PLEKHA5: variants seen among roughly 807,000 people sequenced by gnomAD.
The protein encoded by PLEKHA5 is pleckstrin homology domain-containing family A member 5.
Under a neutral mutation model 181.9 loss-of-function variants are expected in PLEKHA5, and 55 were observed. That is an observed-to-expected ratio of 0.30 (90% CI 0.24 to 0.38). The LOEUF (loss-of-function observed/expected upper bound fraction) is 0.38, where lower values mean the gene tolerates loss of function less well. Among genes scored for constraint, PLEKHA5 ranks in the 10% least tolerant of loss-of-function variants. PLEKHA5 has a pLI of 1.00. For missense variants in PLEKHA5, 1,432 were observed against 1,549.5 expected (o/e 0.92, Z 1.27); for synonymous variants, 535 against 529.4 (o/e 1.01, Z -0.15).
chr12:19,343,325 G>A lies in PLEKHA5; in HGVS notation c.2553G>A (p.Thr851=), dbSNP rs1399521340. The change falls in exon 22 of 32, where the codon ACG becomes ACA. Residue 851 remains threonine, a splice_region_variant and synonymous_variant. Coordinates refer to ENST00000429027, the MANE Select transcript of PLEKHA5 (RefSeq NM_001256470.2). ...GGTCTATCCATTTTTACTGATAGACGGAATCAGCAGGAATTCAGCGTGCAC... is the reference window on the plus strand; with the variant it reads ...GGTCTATCCATTTTTACTGATAGACAGAATCAGCAGGAATTCAGCGTGCAC... ...EQLDHLGEVQ[T]ESAGIQRAQI... 16 of 1,603,788 alleles carry A rather than the reference G, an allele frequency of 1.0e-5. No individual in the cohort carries two copies. The highest frequency in any genetic ancestry group is 2.2e-5 in the East Asian group (1 of 44,814).
In PLEKHA5 at chr12:19,290,800, A is replaced by C. The variant is rs1197361304; in HGVS notation, c.1983+4A>C. Reference sequence around the variant, plus strand: ...GCTTGAGGCCCACAGCCCAAAGGTCAGCTATGGAGAGATTTGTCTGTGTCG... The same window carrying C: ...GCTTGAGGCCCACAGCCCAAAGGTCCGCTATGGAGAGATTTGTCTGTGTCG... On this transcript the variant is annotated splice_donor_region_variant and intron_variant, in intron 14 of 31. Transcript: ENST00000429027. 6.6e-7 allele frequency: 1 copy of C among 1,524,044 alleles called. No individual in the cohort carries two copies. Among genetic ancestry groups the C allele is most frequent in the East Asian group, 2.5e-5 (1 of 40,698 alleles). The allele number at this position is 1,524,044 out of a possible 1,614,324, so 94.4% of individuals were successfully genotyped here. A position where few individuals can be genotyped will look rare whatever the true frequency, so the allele number is the denominator to read the frequency against.
chr12:19,129,898 C>G lies in PLEKHA5; in HGVS notation c.89+10C>G, dbSNP rs759456293. The G allele has an allele frequency of 3.1e-6, 5 of 1,597,126 alleles. No homozygotes were observed. In the African/African-American group the frequency reaches 6.8e-5, roughly 22 times the overall value. On this transcript the variant is annotated intron_variant, in intron 1 of 31. Transcript: ENST00000429027. ...GAGTCTTCTTCATCAAGTAAAGAGC[C>G]GGGGACGGCACGGGGGCCCGCGGGG...
At chr12:19,284,396 T>A (rs953785744) in intron 12 of PLEKHA5, among the ~76,000 whole-genome samples, 2 of 152,226 alleles carry the variant, frequency 1.3e-5, no homozygotes, top group Non-Finnish European at 2.9e-5. Flanking sequence ...TATTGGCTTT[T>A]TACACACTTG....
intron 3 of PLEKHA5, among the ~76,000 whole-genome samples, chr12:19,183,605 TTGAG>T (rs1490045511): frequency 6.6e-6 from 1 of 152,214 alleles, no homozygotes; most frequent in African/African-American, 2.4e-5. Context: ...GTTTCAATGA[TTGAG>T]TTAGTTGTTC....
chr12:19,258,868 T>C (rs1284110378), intron 6 of PLEKHA5, among the ~76,000 whole-genome samples: 1 of 151,890 alleles, frequency 6.6e-6, no homozygotes. Flanking sequence ...CCCAGCCCAG[T>C]TTCTAATAGA....
At chr12:19,326,025 AAAATAAAATAAAAT>A (rs1317473119) in intron 20 of PLEKHA5, among the ~76,000 whole-genome samples, 1 of 151,734 alleles carries the variant, frequency 6.6e-6, no homozygotes, top group Non-Finnish European at 1.5e-5. Context: ...TAAAATAAAT[AAAATAAAATAAAAT>A]AAATAAAATA....
At chr12:19,310,022 A>G (rs1474166391) in intron 15 of PLEKHA5, among the ~76,000 whole-genome samples, 1 of 152,196 alleles carries the variant, frequency 6.6e-6, no homozygotes, top group African/African-American at 2.4e-5. Context: ...TAATGCCTGA[A>G]TCATACATTT....
intron 24 of PLEKHA5, among the ~76,000 whole-genome samples, chr12:19,348,182 C>G (rs535997229): frequency 1.8e-4 from 27 of 152,202 alleles, no homozygotes; most frequent in African/African-American, 6.3e-4. Context: ...TGCACCCGGC[C>G]AGAAATATTC....
intron 23 of PLEKHA5, 31 bp from the exon 24 acceptor site, chr12:19,346,963 C>T: frequency 7.0e-7 from 1 of 1,433,714 alleles, no homozygotes. Context: ...ATCTGCTTAT[C>T]TAAATAAGGT....
chr12:19,363,137 T>G (rs1308184596), intron 29 of PLEKHA5, among the ~76,000 whole-genome samples: 1 of 149,914 alleles, frequency 6.7e-6, no homozygotes, highest in Non-Finnish European at 1.5e-5. Flanking sequence ...TTTTTTGTTG[T>G]TGTTTTTTTG....
At chr12:19,167,089 G>A (rs533386273) in intron 3 of PLEKHA5, among the ~76,000 whole-genome samples, 52 of 152,190 alleles carry the variant, frequency 3.4e-4, no homozygotes, top group African/African-American at 1.3e-3. Context: ...TTATTTACCT[G>A]TTGTATCTGT....
chr12:19,181,989 CAA>C (rs2048716759), intron 3 of PLEKHA5, among the ~76,000 whole-genome samples: 1 of 152,088 alleles, frequency 6.6e-6, no homozygotes, highest in African/African-American at 2.4e-5. Flanking sequence ...TCCTTGCTCT[CAA>C]GAGATTATAT....
intron 3 of PLEKHA5, among the ~76,000 whole-genome samples, chr12:19,224,448 G>A (rs1396119422): frequency 6.6e-6 from 1 of 152,072 alleles, no homozygotes; most frequent in East Asian, 1.9e-4. Flanking sequence ...CCCATTATCA[G>A]TGGGTTTTGC....
intron 11 of PLEKHA5, among the ~76,000 whole-genome samples, chr12:19,277,855 G>A (rs978958861): frequency 1.6e-4 from 25 of 152,188 alleles, no homozygotes; most frequent in African/African-American, 6.0e-4. Context: ...TTCATTCTGA[G>A]TGGCAGGCAC....
intron 15 of PLEKHA5, among the ~76,000 whole-genome samples, chr12:19,297,616 G>A (rs704159): frequency 0.13 from 18,172 of 138,916 alleles, 1,378 homozygotes; most frequent in Middle Eastern, 0.24. Flanking sequence ...GCGACAGAGC[G>A]AGGCTCCGTC....
chr12:19,139,515 C>T (rs941522480), intron 3 of PLEKHA5, among the ~76,000 whole-genome samples: 5 of 152,150 alleles, frequency 3.3e-5, no homozygotes, highest in African/African-American at 1.2e-4. Flanking sequence ...ATTATTCATT[C>T]AACAAATGCT....
chr12:19,369,525 A>G (rs574709496), intron 30 of PLEKHA5, among the ~76,000 whole-genome samples, 168 bp from the exon 31 acceptor site: 154 of 108,938 alleles, frequency 1.4e-3, no homozygotes, highest in Admixed American at 2.5e-3. Flanking sequence ...ATTAATAAAA[A>G]TTTGTTTTTA....
At chr12:19,232,509 C>T (rs2060783368) in intron 3 of PLEKHA5, among the ~76,000 whole-genome samples, 1 of 152,072 alleles carries the variant, frequency 6.6e-6, no homozygotes, top group Admixed American at 6.5e-5. Context: ...AGAGGGGTAA[C>T]TCGTCATTGA....
At chr12:19,161,800 G>T (rs769055183) in intron 3 of PLEKHA5, among the ~76,000 whole-genome samples, 2 of 152,146 alleles carry the variant, frequency 1.3e-5, no homozygotes, top group South Asian at 2.1e-4. Flanking sequence ...AAACTTTTTG[G>T]CATTGAAAGA....
Sources: gnomAD v4.1 joint callset for allele counts (sites outside exome capture counted in the v4.1 genomes callset) on GRCh38, gnomAD v4.1.1 for gene constraint, MANE v1.5 for transcripts, NCBI Gene and HGNC (gene_info 2026-07-23, HGNC 2026-07-21) for gene names.